Variants in PIK3CB observed in about 807,000 individuals in gnomAD.
PIK3CB encodes phosphatidylinositol 4,5-bisphosphate 3-kinase catalytic subunit beta isoform.
A neutral mutation model predicts 136.8 loss-of-function variants in PIK3CB; 39 were observed. The ratio of observed to expected loss-of-function variants is 0.29; its 90% CI spans 0.22 to 0.37. The LOEUF is 0.37. PIK3CB is among the 10% of genes least tolerant of loss of function. PIK3CB has a pLI of 1.00. For missense variants in PIK3CB, 868 were observed against 1,275.4 expected (o/e 0.68, Z 4.87); for synonymous variants, 428 against 436.6 (o/e 0.98, Z 0.25).
intron 1 of PIK3CB, among the ~76,000 whole-genome samples, chr3:138,833,413 T>C (rs1934129034): frequency 1.3e-5 from 2 of 152,226 alleles, no homozygotes; most frequent in Non-Finnish European, 2.9e-5. Flanking sequence ...TGAAACTGGG[T>C]TAAGATCCTT....
chr3:138,722,635 T>C lies in PIK3CB; in HGVS notation c.1051-7916A>G, dbSNP rs2044751640. Among the ~76,000 whole-genome samples, 3 of 150,714 alleles carry C rather than the reference T, an allele frequency of 2.0e-5. No homozygotes were observed. The South Asian group carries it at 6.2e-4, about 31-fold the overall frequency. On this transcript the variant is annotated intron_variant, in intron 8 of 23. Transcript: ENST00000674063. Reference sequence around the variant, plus strand: ...AGTTATAACTGCATCCAAAAACTTCTGGCAAAACTCAGGTATAGGAAATGA... The same window carrying C: ...AGTTATAACTGCATCCAAAAACTTCCGGCAAAACTCAGGTATAGGAAATGA...
intron 19 of PIK3CB, among the ~76,000 whole-genome samples, chr3:138,669,479 C>A (rs1474904136): frequency 6.8e-6 from 1 of 147,718 alleles, no homozygotes; most frequent in African/African-American, 2.5e-5. Flanking sequence ...GATATGAAGT[C>A]TTAATGGAGG....
chr3:138,707,539 C>T, intron 10 of PIK3CB: 1 of 1,229,920 alleles, frequency 8.1e-7, no homozygotes. Flanking sequence ...CCTCTTAATT[C>T]AAATTTAGTT....
chr3:138,825,409 G>C, intron 1 of PIK3CB: 1 of 653,544 alleles, frequency 1.5e-6, no homozygotes, highest in South Asian at 1.8e-5. Context: ...TAACAAAATG[G>C]ATTCCACTGA....
intron 4 of PIK3CB, among the ~76,000 whole-genome samples, chr3:138,750,045 T>C (rs1328881532): frequency 6.6e-6 from 1 of 152,100 alleles, no homozygotes; most frequent in Non-Finnish European, 1.5e-5. Flanking sequence ...GCCTGAGTAA[T>C]TTTTTGTACT....
At chr3:138,792,975 T>C (rs2046069611) in intron 2 of PIK3CB, among the ~76,000 whole-genome samples, 1 of 152,318 alleles carries the variant, frequency 6.6e-6, no homozygotes, top group Middle Eastern at 3.4e-3. Context: ...CTTTTTTTAA[T>C]AATGTAGGGA....
intron 8 of PIK3CB, among the ~76,000 whole-genome samples, chr3:138,726,759 T>C (rs1456720790): frequency 6.6e-6 from 1 of 151,988 alleles, no homozygotes; most frequent in Non-Finnish European, 1.5e-5. Context: ...ACTACAAGGC[T>C]AGCCAGGCTC....
chr3:138,766,791 C>T (rs1466474259), intron 2 of PIK3CB, among the ~76,000 whole-genome samples: 1 of 152,086 alleles, frequency 6.6e-6, no homozygotes, highest in Non-Finnish European at 1.5e-5. Context: ...TGTTTAAAGA[C>T]CTAGAAATGT....
chr3:138,830,109 C>T (rs1247371279), intron 1 of PIK3CB, among the ~76,000 whole-genome samples: 21 of 152,214 alleles, frequency 1.4e-4, no homozygotes, highest in Admixed American at 1.4e-3. Flanking sequence ...ATGTTTTGAA[C>T]TCAACAAGAG....
chr3:138,824,375 A>G (rs1359170925), intron 1 of PIK3CB, among the ~76,000 whole-genome samples: 3 of 152,176 alleles, frequency 2.0e-5, no homozygotes, highest in Admixed American at 2.0e-4. Flanking sequence ...TATCTCTAGC[A>G]ATACTATAAT....
intron 13 of PIK3CB, among the ~76,000 whole-genome samples, chr3:138,697,001 T>A (rs1212913696): frequency 6.6e-6 from 1 of 152,224 alleles, no homozygotes; most frequent in Non-Finnish European, 1.5e-5. Context: ...GTAATGACTT[T>A]GGTAAGATTA....
intron 1 of PIK3CB, among the ~76,000 whole-genome samples, chr3:138,831,201 G>A (rs981478515): frequency 6.7e-6 from 1 of 150,094 alleles, no homozygotes; most frequent in Admixed American, 6.6e-5. Flanking sequence ...ACAGGAGAAC[G>A]GCGTGAACCC....
chr3:138,811,162 G>A (rs1559887685), intron 1 of PIK3CB, among the ~76,000 whole-genome samples: 1 of 147,940 alleles, frequency 6.8e-6, no homozygotes, highest in African/African-American at 2.5e-5. Context: ...GGGAGGCGAG[G>A]GTTGCAGTGA....
chr3:138,657,438 A>G, intron 22 of PIK3CB: 1 of 367,616 alleles, frequency 2.7e-6, no homozygotes, highest in Non-Finnish European at 4.9e-6. Flanking sequence ...GAATGTTCTG[A>G]AACAGGTAAA....
chr3:138,654,559 T>C lies in PIK3CB; in HGVS notation c.*830A>G, dbSNP rs964434070. ...TCTATGAAGTGAACTCTTTCATAGATACCATATAAAAACTGTATTAATATG... is the reference window on the plus strand; with the variant it reads ...TCTATGAAGTGAACTCTTTCATAGACACCATATAAAAACTGTATTAATATG... On this transcript the variant is annotated 3_prime_UTR_variant, in exon 24 of 24. Coordinates refer to ENST00000674063, the MANE Select transcript of PIK3CB (RefSeq NM_006219.3). 3 of 227,708 alleles carry C rather than the reference T, an allele frequency of 1.3e-5. No homozygotes were observed. The highest frequency in any genetic ancestry group is 2.6e-5 in the Non-Finnish European group (3 of 114,704). 14.1% of individuals were successfully genotyped at this position (227,708 alleles called of 1,614,324 possible).
chr3:138,712,327 A>G lies in PIK3CB; in HGVS notation c.1303-23T>C, dbSNP rs3729774. 2.6e-3 allele frequency: 2,941 copies of G among 1,112,748 alleles called. 7 individuals are homozygous for G. Among genetic ancestry groups the G allele is most frequent in the Admixed American group, 7.8e-3 (357 of 45,772 alleles). The allele number at this position is 1,112,748 out of a possible 1,614,324, so 68.9% of individuals were successfully genotyped here. The stretch of plus-strand genomic sequence containing the variant: ...ATGCTGTTGAAAAAGATACCATTGC[A>G]TAAATATGCTAAGAATAACTTTAAG... On this transcript the variant is annotated intron_variant, in intron 9 of 23. Coordinates refer to ENST00000674063, the MANE Select transcript of PIK3CB (RefSeq NM_006219.3).
chr3:138,822,686 A>G (rs1933610337), intron 1 of PIK3CB, among the ~76,000 whole-genome samples: 1 of 151,118 alleles, frequency 6.6e-6, no homozygotes, highest in African/African-American at 2.4e-5. Flanking sequence ...TACTACAAAT[A>G]CAAAAATCAG....
At chr3:138,827,987 CA>C (rs372210332) in intron 1 of PIK3CB, among the ~76,000 whole-genome samples, 7 of 149,886 alleles carry the variant, frequency 4.7e-5, no homozygotes, top group Non-Finnish European at 8.9e-5. Flanking sequence ...GACTCCGTCT[CA>C]AAAAAAACAA....
intron 6 of PIK3CB, 44 bp from the exon 7 acceptor site, chr3:138,734,848 A>G (rs1391633332): frequency 7.4e-7 from 1 of 1,354,830 alleles, no homozygotes; most frequent in Non-Finnish European, 1.0e-6. Context: ...TCATGCCAAC[A>G]CCTAAATCAA....
Sources: allele counts gnomAD v4.1 joint callset (sites outside exome capture counted in the v4.1 genomes callset), GRCh38; gene constraint gnomAD v4.1.1; transcripts MANE v1.5; gene names NCBI Gene and HGNC (gene_info 2026-07-23, HGNC 2026-07-21).